The following MDN1 variants were observed in gnomAD, a reference collection of about 807,000 sequenced individuals.
MDN1 encodes midasin.
Under a neutral mutation model 669.2 loss-of-function variants are expected in MDN1, and 266 were observed. The ratio of observed to expected loss-of-function variants is 0.40; its 90% CI spans 0.36 to 0.44. MDN1 has a LOEUF of 0.44. Among genes scored for constraint, MDN1 ranks in the 20% least tolerant of loss-of-function variants. The pLI is 1.00. For synonymous variants in MDN1, 2,385 were observed against 2,457.1 expected (o/e 0.97, Z 0.87); for missense variants, 5,940 against 6,754.0 (o/e 0.88, Z 4.22).
rs925390998 is a variant in MDN1, at chr6:89,731,780, TC to T, written c.4942+776del. 2.0e-5 allele frequency among the ~76,000 whole-genome samples: 3 copies of T among 149,414 alleles called. 1 individual carries two copies. ...TCAAATAATCTGATCAATCTTTTAT[TC>T]TTTAATTCATAGTACCGCCCCCCCC... is the stretch of plus-strand genomic sequence containing the variant. On this transcript the variant is annotated intron_variant, in intron 34 of 101. Transcript: ENST00000369393.
intron 1 of MDN1, among the ~76,000 whole-genome samples, chr6:89,803,879 C>A (rs951244111): frequency 4.6e-5 from 5 of 108,324 alleles, no homozygotes; most frequent in Middle Eastern, 4.6e-3. Flanking sequence ...CCGCGCCCGG[C>A]CTTTTCTTTT....
intron 33 of MDN1, among the ~76,000 whole-genome samples, chr6:89,737,837 C>T (rs531207399): frequency 1.4e-4 from 22 of 151,838 alleles, no homozygotes; most frequent in Non-Finnish European, 2.8e-4. Context: ...GATTCTCCTG[C>T]CTCAGCCTCC....
Position 89,745,642 on chromosome 6 carries a change from GGAA to G in MDN1, c.3905-19_3905-17del, listed in dbSNP as rs1389891430. ...AGCATATAACCTGGGAGGAGGAGGA[GGAA>G]AAGGAGGAGAGGAATCATCAAGTGT... On this transcript the variant is annotated splice_polypyrimidine_tract_variant and intron_variant, in intron 27 of 101. Coordinates refer to ENST00000369393, the MANE Select transcript of MDN1 (RefSeq NM_014611.3). 6.2e-7 allele frequency: 1 copy of G among 1,609,756 alleles called. No homozygotes were observed. The highest frequency in any genetic ancestry group is 1.7e-5 in the Admixed American group (1 of 59,516).
Position 89,662,769 on chromosome 6 carries a change from G to A in MDN1, c.14412+23C>T, listed in dbSNP as rs756799289. ...GATTACCTCCTCTCAGCTTGTTTGG[G>A]AGGGGAGAAATCTTTGAATTACCTC... On this transcript the variant is annotated intron_variant, in intron 86 of 101. Transcript: ENST00000369393. The A allele has an allele frequency of 2.5e-6, 4 of 1,612,632 alleles. No individual in the cohort carries two copies. In the Admixed American group the frequency reaches 6.7e-5, roughly 27 times the overall value.
chr6:89,730,901 A>G lies in MDN1; in HGVS notation c.4965T>C (p.Gly1655=). The change falls in exon 35 of 102, where the codon GGT becomes GGC. Residue 1655 remains glycine, a synonymous_variant. Coordinates refer to ENST00000369393, the MANE Select transcript of MDN1 (RefSeq NM_014611.3). ...IGSGVTSSGF[G]TALLARKECL... ...ATTCTTTTCGTGCCAAAAGGGCTGT[A>G]CCAAACCCAGAGGAAGTTACCCCTA... The G allele has an allele frequency of 1.2e-6, 2 of 1,614,020 alleles. No individual in the cohort carries two copies. Among genetic ancestry groups the G allele is most frequent in the Non-Finnish European group, 1.7e-6 (2 of 1,179,938 alleles).
At chr6:89,736,371 C>T (rs1024520246) in intron 33 of MDN1, among the ~76,000 whole-genome samples, 3 of 152,202 alleles carry the variant, frequency 2.0e-5, no homozygotes, top group Non-Finnish European at 4.4e-5. Flanking sequence ...AACCCTCTGT[C>T]ATTCTTATCA....
intron 1 of MDN1, among the ~76,000 whole-genome samples, chr6:89,806,020 C>T (rs564943526): frequency 5.3e-5 from 8 of 152,028 alleles, no homozygotes; most frequent in Non-Finnish European, 1.0e-4. Flanking sequence ...TCACTGCAGG[C>T]GCACCCTCCC....
Position 89,653,021 on chromosome 6 carries a change from G to C in MDN1, c.15796C>G (p.His5266Asp). 1 of 1,614,072 alleles carries C rather than the reference G, an allele frequency of 6.2e-7. No individual in the cohort carries two copies. Among genetic ancestry groups the C allele is most frequent in the Non-Finnish European group, 8.5e-7 (1 of 1,179,998 alleles). The change falls in exon 94 of 102, where the codon CAT (histidine) becomes GAT (aspartate). Residue 5266 changes from histidine (H) to aspartate (D), a missense_variant. Coordinates refer to ENST00000369393, the MANE Select transcript of MDN1 (RefSeq NM_014611.3). The part of the protein sequence containing the change: ...RSRESTIHTA[H>D]QFLMDTIFQP... ...AAGATCGTGTCCATGAGGAATTGATGAGCTGTATGAATGGTAGACTCTCGG... is the reference window on the plus strand; with the variant it reads ...AAGATCGTGTCCATGAGGAATTGATCAGCTGTATGAATGGTAGACTCTCGG...
At chr6:89,781,963 C>G (rs1408285214) in intron 9 of MDN1, among the ~76,000 whole-genome samples, 1 of 151,886 alleles carries the variant, frequency 6.6e-6, no homozygotes, top group Non-Finnish European at 1.5e-5. Flanking sequence ...AGAACAAGAC[C>G]CTGTCTCAAA....
Position 89,743,220 on chromosome 6 carries a change from T to C in MDN1, c.4378A>G (p.Lys1460Glu), listed in dbSNP as rs753973706. ...TCCAAGAGGAAAAAGCCGTCCTCCT[T>C]CATGGCCTGAACCAGAGGCCCATCA... ...WHDGPLVQAM[K>E]EDGFFLLDEI... The change falls in exon 31 of 102, where the codon AAG becomes GAG. Residue 1460 changes from lysine (K) to glutamate (E), a missense_variant. By Grantham distance (56) the Lys-to-Glu change is moderately conservative. Transcript: ENST00000369393. The C allele has an allele frequency of 1.9e-6, 3 of 1,614,170 alleles. No individual in the cohort carries two copies. The highest frequency in any genetic ancestry group is 1.1e-5 in the South Asian group (1 of 91,088).
At position 89,754,224 on chromosome 6, in the gene MDN1, G is replaced by A. The variant is rs961149089; in HGVS notation, c.2823C>T (p.Tyr941=). The part of the protein sequence containing the change: ...KNTVQGIINF[Y]TALRKESGTK... ...TCCCAGACTCTTTCCGCAAAGCTGT[G>A]TAGAAGCTACAAATAGAATAAAGGT... The change falls in exon 21 of 102, where the codon TAC becomes TAT. Residue 941 remains tyrosine (Y), a synonymous_variant. Transcript: ENST00000369393. 1.2e-5 allele frequency: 20 copies of A among 1,613,124 alleles called. No homozygotes were observed. The highest frequency in any genetic ancestry group is 1.7e-5 in the Non-Finnish European group (20 of 1,179,560).
At chr6:89,713,749 TGTAAA>T (rs958658482) in intron 46 of MDN1, among the ~76,000 whole-genome samples, 1 of 152,076 alleles carries the variant, frequency 6.6e-6, no homozygotes, top group African/African-American at 2.4e-5. Context: ...GCAGAACTAA[TGTAAA>T]GATTAAATAA....
chr6:89,748,290 C>A (rs1439736209), intron 26 of MDN1, among the ~76,000 whole-genome samples: 1 of 152,182 alleles, frequency 6.6e-6, no homozygotes, highest in Non-Finnish European at 1.5e-5. Flanking sequence ...AGCGCCACTG[C>A]ACTCCAGCCT....
At chr6:89,698,374 T>C (rs1007034616) in intron 59 of MDN1, among the ~76,000 whole-genome samples, 1 of 152,242 alleles carries the variant, frequency 6.6e-6, no homozygotes, top group African/African-American at 2.4e-5. Context: ...TTCAACACTT[T>C]ATCGGTAAGA....
intron 69 of MDN1, 118 bp from the exon 70 acceptor site, chr6:89,686,091 G>C: frequency 1.0e-6 from 1 of 987,984 alleles, no homozygotes; most frequent in Non-Finnish European, 1.5e-6. Flanking sequence ...ATCACAATGT[G>C]AAGCTCTCAA....
rs547979536 is a variant in MDN1 at position 89,753,703 on chromosome 6, C to T, written c.2965-81G>A. 3 of 1,153,882 alleles carry T rather than the reference C, an allele frequency of 2.6e-6. No homozygotes were observed. In the South Asian group the frequency reaches 3.8e-5, roughly 15 times the overall value. The allele number at this position is 1,153,882 out of a possible 1,614,324, so 71.5% of individuals were successfully genotyped here. ...AACTTATTTCCAGAACAAAATTTAA[C>T]CTCTTGGGTGATGCTGCTTCCCAAC... On this transcript the variant is annotated intron_variant, in intron 21 of 101. Coordinates refer to ENST00000369393, the MANE Select transcript of MDN1 (RefSeq NM_014611.3).
At position 89,662,256 on chromosome 6, in the gene MDN1, G is replaced by GA. The variant is rs772491219; in HGVS notation, c.14413-18dup. 15 of 1,598,074 alleles carry GA rather than the reference G, an allele frequency of 9.4e-6. No individual in the cohort carries two copies. The highest frequency in any genetic ancestry group is 9.0e-5 in the Admixed American group (5 of 55,522). ...AGAATCTTCCTAAATGTCAGAGGAA[G>GA]AAAAAACAATCATCACACTCAATCC... is the stretch of plus-strand genomic sequence containing the variant. On this transcript the variant is annotated splice_polypyrimidine_tract_variant and intron_variant, in intron 86 of 101. Coordinates refer to ENST00000369393, the MANE Select transcript of MDN1 (RefSeq NM_014611.3).
At chr6:89,814,962 G>A (rs1768716562) in intron 1 of MDN1, 1 of 525,660 alleles carries the variant, frequency 1.9e-6, no homozygotes, top group South Asian at 1.9e-5. Flanking sequence ...TGGGTGCCAT[G>A]TCACAGAGAA....
At chr6:89,787,473 TCTTTACAGC>T (rs1175301579) in intron 8 of MDN1, among the ~76,000 whole-genome samples, 17 of 152,326 alleles carry the variant, frequency 1.1e-4, no homozygotes, top group Admixed American at 5.2e-4. Flanking sequence ...TTTCACTTAT[TCTTTACAGC>T]CACCATTTGA....
Sources: allele counts gnomAD v4.1 joint callset (sites outside exome capture counted in the v4.1 genomes callset), GRCh38; gene constraint gnomAD v4.1.1; transcripts MANE v1.5; gene names NCBI Gene and HGNC (gene_info 2026-07-23, HGNC 2026-07-21).